GAP43: variants seen among roughly 807,000 people sequenced by gnomAD.
GAP43 encodes the protein neuromodulin.
A neutral mutation model predicts 18.6 loss-of-function variants in GAP43; 6 were observed. The ratio of observed to expected loss-of-function variants is 0.32; its 90% confidence interval spans 0.18 to 0.64. The LOEUF (loss-of-function observed/expected upper bound fraction) is 0.64. Ranked by LOEUF, GAP43 falls within the 30% of genes least tolerant of loss-of-function variation. GAP43 has a pLI of 0.78. For missense variants in GAP43, 292 were observed against 295.5 expected (o/e 0.99, Z 0.09); for synonymous variants, 115 against 111.4 (o/e 1.03, Z -0.20).
At chr3:115,700,648 GA>G (rs556519222) in intron 2 of GAP43, among the ~76,000 whole-genome samples, 36 of 152,062 alleles carry the variant, frequency 2.4e-4, no homozygotes, top group Non-Finnish European at 3.1e-4. Flanking sequence ...TAACTTCAGT[GA>G]AAAAGTCTTT....
At chr3:115,712,612 A>G (rs1285177211) in intron 2 of GAP43, among the ~76,000 whole-genome samples, 2 of 152,192 alleles carry the variant, frequency 1.3e-5, no homozygotes, top group Admixed American at 1.3e-4. Context: ...TCAAACTCCA[A>G]ACAACCCACG....
chr3:115,666,319 T>C (rs1248447164), intron 1 of GAP43, among the ~76,000 whole-genome samples: 2 of 152,180 alleles, frequency 1.3e-5, no homozygotes, highest in Admixed American at 6.5e-5. Context: ...TCTTTGAGAA[T>C]AGATATAGCT....
chr3:115,708,832 C>T (rs1709397621), intron 2 of GAP43, among the ~76,000 whole-genome samples: 1 of 151,562 alleles, frequency 6.6e-6, no homozygotes, highest in Non-Finnish European at 1.5e-5. Context: ...GCACCAACAG[C>T]ATCTACTACA....
chr3:115,677,708 A>T (rs1228053937), intron 2 of GAP43, among the ~76,000 whole-genome samples: 1 of 152,232 alleles, frequency 6.6e-6, no homozygotes, highest in Non-Finnish European at 1.5e-5. Context: ...TTAACCAATG[A>T]TGTTTGTCAT....
At chr3:115,690,945 T>C (rs1241878431) in intron 2 of GAP43, among the ~76,000 whole-genome samples, 1 of 151,824 alleles carries the variant, frequency 6.6e-6, no homozygotes, top group Non-Finnish European at 1.5e-5. Flanking sequence ...TTAGTAGAGA[T>C]GGGGTTTCAC....
At chr3:115,678,201 A>G (rs1423726716) in intron 2 of GAP43, among the ~76,000 whole-genome samples, 1 of 152,214 alleles carries the variant, frequency 6.6e-6, no homozygotes, top group Admixed American at 6.5e-5. Flanking sequence ...AGCCTCAGGT[A>G]TGATGTCTGG....
At position 115,623,569 on chromosome 3, in the gene GAP43, A is replaced by C; in HGVS notation, c.-121A>C. 4 of 1,295,218 alleles carry C rather than the reference A, an allele frequency of 3.1e-6. No homozygotes were observed. Among genetic ancestry groups the C allele is most frequent in the South Asian group, 1.2e-5 (1 of 80,640 alleles). The allele number at this position is 1,295,218 out of a possible 1,614,324, so 80.2% of individuals were successfully genotyped here. A position where few individuals can be genotyped will look rare whatever the true frequency, so the allele number is the denominator to read the frequency against. ...GAGAGAGAGGGAGGGAGGGAGAGAGAGCGCGCTAGCGCGAGAGAGCGAGTG... is the reference window on the plus strand; with the variant it reads ...GAGAGAGAGGGAGGGAGGGAGAGAGCGCGCGCTAGCGCGAGAGAGCGAGTG... On this transcript the variant is annotated 5_prime_UTR_variant, in exon 1 of 3. Transcript: ENST00000305124.
At chr3:115,633,215 A>G (rs946602143) in intron 1 of GAP43, among the ~76,000 whole-genome samples, 8 of 152,044 alleles carry the variant, frequency 5.3e-5, no homozygotes, top group Non-Finnish European at 1.2e-4. Context: ...TAAGAGAGAG[A>G]CAGACAAAGG....
chr3:115,681,136 T>G (rs1441702171), intron 2 of GAP43, among the ~76,000 whole-genome samples: 1 of 152,238 alleles, frequency 6.6e-6, no homozygotes, highest in African/African-American at 2.4e-5. Context: ...TAAATACTGT[T>G]GATTATTAAG....
At chr3:115,705,678 T>C (rs1709353342) in intron 2 of GAP43, among the ~76,000 whole-genome samples, 1 of 152,094 alleles carries the variant, frequency 6.6e-6, no homozygotes, top group Non-Finnish European at 1.5e-5. Flanking sequence ...GCCTAAGCAA[T>C]CATTCAATGA....
rs1327764760 is a variant in GAP43 at position 115,663,361 on chromosome 3, T to TC, written c.31-12649dup. Among the ~76,000 whole-genome samples, 5 of 152,306 alleles carry TC rather than the reference T, an allele frequency of 3.3e-5. 1 individual carries two copies. The South Asian group carries it at 8.3e-4, about 25-fold the overall frequency. ...AACCTTCTCTTTACCACCTGCTCAA[T>TC]CCCTTCCTTCTGATAAGAATGCATA... On this transcript the variant is annotated intron_variant, in intron 1 of 2. Coordinates refer to ENST00000305124, the MANE Select transcript of GAP43 (RefSeq NM_002045.4).
rs1271931904 is a variant in GAP43, at chr3:115,644,144, T to C, written c.30+20425T>C. On this transcript the variant is annotated intron_variant, in intron 1 of 2. Transcript: ENST00000305124. This position sits in a 1 kb window ranked among gnomAD's most constrained non-coding sequence, Gnocchi z 4.2. ...CCTGCTCACCACTACAAAATGCCTA[T>C]TTATTTCTCCTTTTATATTTTAATT... 6.6e-6 allele frequency among the ~76,000 whole-genome samples: 1 copy of C among 152,092 alleles called. No homozygotes were observed. Among genetic ancestry groups the C allele is most frequent in the Non-Finnish European group, 1.5e-5 (1 of 67,980 alleles).
chr3:115,676,717 TG>T, intron 2 of GAP43, 107 bp downstream of exon 2: 1 of 1,190,120 alleles, frequency 8.4e-7, no homozygotes, highest in Non-Finnish European at 1.1e-6. Flanking sequence ...GTCTAGAAGA[TG>T]TTTTCCAGAA....
At position 115,623,631 on chromosome 3, in the gene GAP43, TAAGA is replaced by T. The variant is rs1386062238; in HGVS notation, c.-54_-51del. ...AGAAAAGAGGTGGAGAGGGGGGGAA[TAAGA>T]AAGAGAGAGAAGGAAAGGAGAGAAG... On this transcript the variant is annotated 5_prime_UTR_variant, in exon 1 of 3. Coordinates refer to ENST00000305124, the MANE Select transcript of GAP43 (RefSeq NM_002045.4). The T allele has an allele frequency of 4.4e-6, 7 of 1,600,606 alleles. No homozygotes were observed. In the Admixed American group the frequency reaches 1.0e-4, roughly 23 times the overall value.
rs532444114 is a variant in GAP43, at chr3:115,623,512, A to G, written c.-178A>G. On this transcript the variant is annotated 5_prime_UTR_variant, in exon 1 of 3. Transcript: ENST00000305124. ...GATGAGCAATAGCTGTGGACCTTACAGTTGCTGCTAACTGCCCTGGTGTGT... is the reference window on the plus strand; with the variant it reads ...GATGAGCAATAGCTGTGGACCTTACGGTTGCTGCTAACTGCCCTGGTGTGT... 6.9e-5 allele frequency: 46 copies of G among 667,788 alleles called. No individual in the cohort carries two copies. The highest frequency in any genetic ancestry group is 7.9e-5 in the Non-Finnish European group (30 of 379,998). 41.4% of individuals were successfully genotyped at this position (667,788 alleles called of 1,614,324 possible). A position where few individuals can be genotyped will look rare whatever the true frequency, so the allele number is the denominator to read the frequency against.
At chr3:115,705,173 G>A (rs1709344787) in intron 2 of GAP43, among the ~76,000 whole-genome samples, 1 of 152,150 alleles carries the variant, frequency 6.6e-6, no homozygotes, top group Non-Finnish European at 1.5e-5. Flanking sequence ...ACTCATAAAT[G>A]CAGTGCTTTT....
chr3:115,702,738 C>T (rs149925399), intron 2 of GAP43, among the ~76,000 whole-genome samples: 2 of 152,172 alleles, frequency 1.3e-5, no homozygotes, highest in African/African-American at 2.4e-5. Flanking sequence ...GTGTGTGTAG[C>T]TCCTTTCAAA....
At chr3:115,698,248 ATATAT>A (rs1292394405) in intron 2 of GAP43, among the ~76,000 whole-genome samples, 1 of 33,424 alleles carries the variant, frequency 3.0e-5, no homozygotes, top group African/African-American at 9.0e-5. Context: ...AATATATATA[ATATAT>A]AATATATATA....
chr3:115,708,842 A>C (rs1228137709), intron 2 of GAP43, among the ~76,000 whole-genome samples: 1 of 152,034 alleles, frequency 6.6e-6, no homozygotes, highest in Admixed American at 6.6e-5. Context: ...CATCTACTAC[A>C]AGGAATGTAG....
Sources: gnomAD v4.1 joint callset for allele counts (sites outside exome capture counted in the v4.1 genomes callset) on GRCh38, gnomAD v4.1.1 for gene constraint, Gnocchi (gnomAD v3.1) non-coding constraint, MANE v1.5 for transcripts, NCBI Gene and HGNC (gene_info 2026-07-23, HGNC 2026-07-21) for gene names.